Variants in GREB1 observed in about 807,000 individuals in gnomAD.
The protein encoded by GREB1 is protein GREB1.
A neutral mutation model predicts 200.7 loss-of-function variants in GREB1; 106 were observed. That is an observed-to-expected ratio of 0.53 (90% CI 0.45 to 0.62). GREB1 has a LOEUF of 0.62. Ranked by LOEUF, GREB1 falls within the 20% of genes least tolerant of loss-of-function variation. The pLI is 0.00. For missense variants in GREB1, 2,243 were observed against 2,556.8 expected (o/e 0.88, Z 2.65); for synonymous variants, 1,132 against 1,092.4 (o/e 1.04, Z -0.72).
chr2:11,626,235 C>T (rs1014218871), intron 24 of GREB1, among the ~76,000 whole-genome samples: 1 of 151,992 alleles, frequency 6.6e-6, no homozygotes, highest in Non-Finnish European at 1.5e-5. Flanking sequence ...GGATCCTTCT[C>T]GTAGGCCAGT....
intron 23 of GREB1, among the ~76,000 whole-genome samples, chr2:11,621,820 C>A (rs1272372805): frequency 1.3e-5 from 2 of 152,200 alleles, no homozygotes; most frequent in African/African-American, 4.8e-5. Flanking sequence ...CTCGGCCTTC[C>A]CTCCCAGGAA....
At position 11,576,435 on chromosome 2, in the gene GREB1, G is replaced by A; in HGVS notation, c.537G>A (p.Leu179=). 6.2e-7 allele frequency: 1 copy of A among 1,613,888 alleles called. No homozygotes were observed. ...TEFSNHINLK[L]TTQPKKQKHL... ...TCTCCAATCATATAAATCTGAAACT[G>A]ACCACTCAACCCAAGAAGCAGAAAC... is the stretch of plus-strand genomic sequence containing the variant. Residue 179 remains leucine (L), a synonymous_variant, in exon 5 of 33, where the codon CTG becomes CTA. Transcript: ENST00000381486.
Position 11,578,421 on chromosome 2 carries a change from T to A in GREB1, c.762T>A (p.Ala254=), listed in dbSNP as rs773042541. The A allele has an allele frequency of 1.2e-6, 2 of 1,613,632 alleles. No homozygotes were observed. Among genetic ancestry groups the A allele is most frequent in the East Asian group, 2.2e-5 (1 of 44,886 alleles). ...CGAACCCCAGCATCCTGATGGGAGC[T>A]CAGCAGGCAGGTGAGGTGGTGGAGA... ...PGTNPSILMG[A]QQAGPASDHP... is the part of the protein sequence containing the mutation. The change falls in exon 6 of 33, where the codon GCT becomes GCA. Residue 254 remains alanine (A), a synonymous_variant. Transcript: ENST00000381486.
Position 11,625,278 on chromosome 2 carries a change from G to A in GREB1, c.4272G>A (p.Leu1424=), listed in dbSNP as rs772826104. ...IHDPKYEDAS[L]ICSHYQGIKS... ...ACCCGAAGTATGAAGATGCCAGCCT[G>A]ATTTGTTCGCACTATCAGGGTATAA... The change falls in exon 24 of 33, where the codon CTG becomes CTA. Residue 1424 remains leucine, a synonymous_variant. Transcript: ENST00000381486. 11 of 1,614,080 alleles carry A rather than the reference G, an allele frequency of 6.8e-6. No homozygotes were observed. The South Asian group carries it at 1.2e-4, about 18-fold the overall frequency.
At position 11,578,286 on chromosome 2, in the gene GREB1, T is replaced by C; in HGVS notation, c.638-11T>C. The C allele has an allele frequency of 6.2e-7, 1 of 1,608,800 alleles. No homozygotes were observed. The highest frequency in any genetic ancestry group is 1.7e-4 in the Middle Eastern group (1 of 6,044). ...CGAGTTGGTTTTCACGTGTGCACCT[T>C]GCCCCCTTAGAGTTTAGAAGCCGGC... is the stretch of plus-strand genomic sequence containing the variant. On this transcript the variant is annotated splice_polypyrimidine_tract_variant and intron_variant, in intron 5 of 32. Transcript: ENST00000381486.
rs114783798 is a variant in GREB1, at chr2:11,618,365, C to T, written c.3490C>T (p.Arg1164Cys). ...QGEHARSPQP[R>C]GPAEEGRAPG... is the part of the protein sequence containing the mutation. Reference sequence around the variant, plus strand: ...AGAGCATGCCAGGTCGCCCCAGCCCCGTGGCCCCGCAGAGGAGGGCAGAGC... The same window carrying T: ...AGAGCATGCCAGGTCGCCCCAGCCCTGTGGCCCCGCAGAGGAGGGCAGAGC... Residue 1164 changes from arginine to cysteine, a missense_variant, in exon 22 of 33, where the codon CGT becomes TGT. Arg to Cys is a radical substitution (Grantham distance 180). Transcript: ENST00000381486. 5,175 of 1,610,908 alleles carry T rather than the reference C, an allele frequency of 3.2e-3. 127 individuals carry two copies. In the African/African-American group the frequency reaches 0.058, roughly 18 times the overall value.
intron 2 of GREB1, 68 bp downstream of exon 2, chr2:11,556,839 A>G: frequency 1.7e-6 from 2 of 1,184,376 alleles, no homozygotes; most frequent in East Asian, 2.7e-5. Context: ...TAGCACCAGA[A>G]CTTGAAACTC....
intron 1 of GREB1, among the ~76,000 whole-genome samples, chr2:11,495,760 C>T (rs1167456012): frequency 6.6e-6 from 1 of 151,024 alleles, no homozygotes; most frequent in Non-Finnish European, 1.5e-5. Context: ...TCCGCCTATA[C>T]TAGTCCGTTG....
intron 7 of GREB1, among the ~76,000 whole-genome samples, chr2:11,582,182 C>T (rs1679561236): frequency 6.6e-6 from 1 of 152,202 alleles, no homozygotes; most frequent in South Asian, 2.1e-4. Flanking sequence ...CCAGCCTCCA[C>T]CCTGAACAGC....
At position 11,588,880 on chromosome 2, in the gene GREB1, A is replaced by G. The variant is rs1680442280; in HGVS notation, c.1294A>G (p.Ile432Val). 9 of 1,614,130 alleles carry G rather than the reference A, an allele frequency of 5.6e-6. No homozygotes were observed. Among genetic ancestry groups the G allele is most frequent in the Non-Finnish European group, 7.6e-6 (9 of 1,180,016 alleles). Residue 432 changes from isoleucine (I) to valine (V), a missense_variant, in exon 10 of 33, where the codon ATC becomes GTC. Ile to Val is a conservative substitution (Grantham distance 29, BLOSUM62 3). Transcript: ENST00000381486. ...EQYGASAIQP[I>V]SEEMQLLLTV... ...GTACGGCGCCTCTGCCATCCAGCCCATCTCCGAGGAGATGCAGCTCCTGCT... is the reference window on the plus strand; with the variant it reads ...GTACGGCGCCTCTGCCATCCAGCCCGTCTCCGAGGAGATGCAGCTCCTGCT...
At chr2:11,562,363 G>C in intron 2 of GREB1, 100 bp from the exon 3 acceptor site, 4 of 1,519,432 alleles carry the variant, frequency 2.6e-6, no homozygotes, top group Non-Finnish European at 3.6e-6. Context: ...TAGGTCCTGG[G>C]CTTGTTGAGC....
At chr2:11,614,055 C>G (rs1197955736) in intron 19 of GREB1, among the ~76,000 whole-genome samples, 2 of 152,054 alleles carry the variant, frequency 1.3e-5, no homozygotes, top group African/African-American at 4.8e-5. Context: ...AGTACCCTGG[C>G]CTGTGTTCAC....
At chr2:11,631,557 C>T (rs1684877797) in intron 26 of GREB1, among the ~76,000 whole-genome samples, 1 of 152,150 alleles carries the variant, frequency 6.6e-6, no homozygotes, top group Non-Finnish European at 1.5e-5. Context: ...CTCACTCACT[C>T]GTGTCGATAG....
At chr2:11,569,043 G>A (rs1332137269) in intron 4 of GREB1, among the ~76,000 whole-genome samples, 3 of 152,170 alleles carry the variant, frequency 2.0e-5, no homozygotes, top group African/African-American at 7.2e-5. Flanking sequence ...GAGGGAAGCA[G>A]CAGTATTAGG....
At chr2:11,547,648 T>G (rs1558525648) in intron 1 of GREB1, among the ~76,000 whole-genome samples, 3 of 152,138 alleles carry the variant, frequency 2.0e-5, no homozygotes, top group Non-Finnish European at 4.4e-5. Flanking sequence ...AAATGAAAAA[T>G]GAAAATGAAA....
chr2:11,633,992 C>A lies in GREB1; in HGVS notation c.4992-139C>A. The A allele has an allele frequency of 1.3e-6, 1 of 768,542 alleles. No individual in the cohort carries two copies. The highest frequency in any genetic ancestry group is 2.1e-5 in the Admixed American group (1 of 48,320). 47.6% of individuals were successfully genotyped at this position (768,542 alleles called of 1,614,324 possible). The stretch of plus-strand genomic sequence containing the variant: ...GGGAAGCGCCCAGCAGGGTGCCTGG[C>A]CCTGGGGGGACTGTGCGGGGCACCG... On this transcript the variant is annotated intron_variant, in intron 28 of 32. Coordinates refer to ENST00000381486, the MANE Select transcript of GREB1 (RefSeq NM_014668.4). This position sits in a 1 kb window ranked among gnomAD's most constrained non-coding sequence, Gnocchi z 4.1.
chr2:11,525,791 C>A (rs1178897271), intron 1 of GREB1, among the ~76,000 whole-genome samples: 2 of 152,176 alleles, frequency 1.3e-5, no homozygotes, highest in Non-Finnish European at 2.9e-5. Context: ...TTCTGAACGA[C>A]CCATCTAGAT....
At chr2:11,635,452 C>A (rs372671389) in intron 30 of GREB1, 47 bp downstream of exon 30, 1 of 1,560,766 alleles carries the variant, frequency 6.4e-7, no homozygotes, top group South Asian at 1.2e-5. Flanking sequence ...CCGCCTGGGC[C>A]GCCCTGGCAC....
chr2:11,619,433 G>T (rs1264491486), intron 22 of GREB1, among the ~76,000 whole-genome samples: 1 of 152,206 alleles, frequency 6.6e-6, no homozygotes. Flanking sequence ...TCTGCTCTTT[G>T]GAACAGAGCT....
Sources: allele counts gnomAD v4.1 joint callset (sites outside exome capture counted in the v4.1 genomes callset), GRCh38; gene constraint gnomAD v4.1.1; non-coding constraint Gnocchi (gnomAD v3.1); transcripts MANE v1.5; gene names NCBI Gene and HGNC (gene_info 2026-07-23, HGNC 2026-07-21).